AFG2A: variants seen among roughly 807,000 people sequenced by gnomAD.
AFG2A encodes ATPase family gene 2 protein homolog A.
At chr4:123,025,807 TAGG>T in the AFG2A span, among the ~76,000 whole-genome samples, 1 of 152,158 alleles carries the variant, frequency 6.6e-6, no homozygotes, top group Admixed American at 6.5e-5. Flanking sequence ...CAGTTGTCAG[TAGG>T]AGTTTATAAT....
At chr4:123,100,154 C>T in the AFG2A span, among the ~76,000 whole-genome samples, 1 of 151,722 alleles carries the variant, frequency 6.6e-6, no homozygotes, top group Non-Finnish European at 1.5e-5. Context: ...AAATCCCAAC[C>T]CATCATTTCT....
chr4:123,278,448 T>C, the AFG2A span, among the ~76,000 whole-genome samples: 1 of 152,196 alleles, frequency 6.6e-6, no homozygotes, highest in East Asian at 1.9e-4. Context: ...ATATCTCAGT[T>C]TCCTTCAGTT....
chr4:122,987,813 A>C, the AFG2A span, among the ~76,000 whole-genome samples: 1 of 152,020 alleles, frequency 6.6e-6, no homozygotes, highest in African/African-American at 2.4e-5. Context: ...ATTTTTTTTT[A>C]ACTTTTACAC....
the AFG2A span, among the ~76,000 whole-genome samples, chr4:123,267,973 T>C: frequency 6.6e-6 from 1 of 151,986 alleles, no homozygotes; most frequent in Non-Finnish European, 1.5e-5. Context: ...GATCATGGCT[T>C]ATAAGCTAAT....
the AFG2A span, among the ~76,000 whole-genome samples, chr4:123,055,761 C>T: frequency 2.0e-5 from 3 of 152,102 alleles, no homozygotes; most frequent in African/African-American, 7.2e-5. Context: ...TCTTGTTCTT[C>T]GGGATGTATG....
the AFG2A span, among the ~76,000 whole-genome samples, chr4:123,185,889 TAA>T: frequency 7.0e-6 from 1 of 143,056 alleles, no homozygotes. Context: ...AGACTCCGTC[TAA>T]AAAAAAAAAA....
chr4:122,979,314 G>C, the AFG2A span: 3 of 1,614,070 alleles, frequency 1.9e-6, no homozygotes, highest in Non-Finnish European at 2.5e-6. Context: ...AGATTACTCT[G>C]AAGGATTTCT....
At chr4:122,961,485 T>C in the AFG2A span, among the ~76,000 whole-genome samples, 1 of 152,188 alleles carries the variant, frequency 6.6e-6, no homozygotes, top group Non-Finnish European at 1.5e-5. Context: ...TATGGCTTGT[T>C]TTTGGGTAGC....
the AFG2A span, among the ~76,000 whole-genome samples, chr4:123,123,189 A>G: frequency 6.6e-6 from 1 of 152,224 alleles, no homozygotes; most frequent in Non-Finnish European, 1.5e-5. Flanking sequence ...GGAGATCCAC[A>G]GGCAACCAAC....
At chr4:123,116,652 T>C in the AFG2A span, among the ~76,000 whole-genome samples, 1 of 152,230 alleles carries the variant, frequency 6.6e-6, no homozygotes, top group South Asian at 2.1e-4. Flanking sequence ...TTACAATGCT[T>C]TATAAATAAA....
chr4:123,308,144 A>G, the AFG2A span, among the ~76,000 whole-genome samples: 2 of 152,232 alleles, frequency 1.3e-5, no homozygotes, highest in African/African-American at 4.8e-5. Context: ...CGAAGAAAGC[A>G]TCTCTCAAAA....
chr4:122,947,153 C>A, the AFG2A span: 1 of 1,376,060 alleles, frequency 7.3e-7, no homozygotes, highest in Non-Finnish European at 9.6e-7. Context: ...TCATCCTTGT[C>A]TATACAGCCA....
the AFG2A span, among the ~76,000 whole-genome samples, chr4:123,103,753 A>G: frequency 2.0e-5 from 3 of 152,194 alleles, no homozygotes; most frequent in East Asian, 1.9e-4. Flanking sequence ...CCAAATGTCT[A>G]CCTACGTGAA....
chr4:123,147,328 T>G, the AFG2A span, among the ~76,000 whole-genome samples: 1 of 152,090 alleles, frequency 6.6e-6, no homozygotes, highest in Non-Finnish European at 1.5e-5. Flanking sequence ...TCTTTACCTC[T>G]GAAGCATCAA....
chr4:123,218,097 G>A, the AFG2A span, among the ~76,000 whole-genome samples: 2 of 152,190 alleles, frequency 1.3e-5, no homozygotes, highest in East Asian at 3.8e-4. Flanking sequence ...GCAGGATGGT[G>A]TATTAGGAAT....
chr4:122,979,119 A>T, the AFG2A span: 7 of 1,286,480 alleles, frequency 5.4e-6, no homozygotes, highest in Admixed American at 5.0e-5. Flanking sequence ...CGCCTCCCCC[A>T]CTGCAGCCAG....
At chr4:123,129,997 T>A in the AFG2A span, among the ~76,000 whole-genome samples, 1 of 151,976 alleles carries the variant, frequency 6.6e-6, no homozygotes, top group Non-Finnish European at 1.5e-5. Context: ...GTAACTGTTA[T>A]GTGAGGTTTT....
At chr4:122,949,724 T>A in the AFG2A span, among the ~76,000 whole-genome samples, 1 of 152,198 alleles carries the variant, frequency 6.6e-6, no homozygotes, top group Admixed American at 6.5e-5. Context: ...CCAAATGGAC[T>A]GGCTCCCCTC....
chr4:123,167,263 T>C, the AFG2A span, among the ~76,000 whole-genome samples: 1 of 149,856 alleles, frequency 6.7e-6, no homozygotes, highest in Admixed American at 6.7e-5. Flanking sequence ...TATATGTAGG[T>C]ATCTATATAT....
Sources: allele counts gnomAD v4.1 joint callset (sites outside exome capture counted in the v4.1 genomes callset), GRCh38; gene constraint gnomAD v4.1.1; transcripts MANE v1.5; gene names NCBI Gene and HGNC (gene_info 2026-07-23, HGNC 2026-07-21).